Variants in MEIS1 observed in about 807,000 individuals in gnomAD.
MEIS1 encodes Meis homeobox 1, also known as homeobox protein Meis1.
MEIS1 carries 5 observed loss-of-function variants against 50.8 expected under a neutral mutation model. The observed-to-expected ratio is 0.10, with a 90% confidence interval of 0.05 to 0.21. MEIS1 has a LOEUF of 0.21. Ranked by LOEUF, MEIS1 falls within the 10% of genes least tolerant of loss-of-function variation. MEIS1 has a pLI of 1.00. For missense variants in MEIS1, 318 were observed against 517.3 expected (o/e 0.61, Z 3.74); for synonymous variants, 176 against 179.3 (o/e 0.98, Z 0.15).
chr2:66,485,138 G>A (rs1673111695), intron 7 of MEIS1, among the ~76,000 whole-genome samples: 1 of 151,980 alleles, frequency 6.6e-6, no homozygotes, highest in Admixed American at 6.5e-5. Context: ...TGGGATACAT[G>A]TGCAGAACCT....
intron 6 of MEIS1, among the ~76,000 whole-genome samples, chr2:66,450,832 G>A (rs989971751): frequency 1.3e-5 from 2 of 152,064 alleles, no homozygotes; most frequent in Non-Finnish European, 2.9e-5. Flanking sequence ...CAATATGGTA[G>A]CATGTTTATT....
intron 8 of MEIS1, among the ~76,000 whole-genome samples, chr2:66,543,463 A>G (rs374982865): frequency 8.5e-4 from 129 of 152,340 alleles, no homozygotes; most frequent in Middle Eastern, 6.8e-3. Context: ...TCCACTGCCC[A>G]CAAGCCACTT....
At position 66,502,940 on chromosome 2, in the gene MEIS1, C is replaced by T. The variant is rs143831113; in HGVS notation, c.743-9209C>T. ...TTACTTTGCTGAGCTGGCTTTGGGA[C>T]CTGACAGCATCCACAACTGGCTTCT... On this transcript the variant is annotated intron_variant, in intron 7 of 12. Transcript: ENST00000272369. Among the ~76,000 whole-genome samples, 28 of 152,266 alleles carry T rather than the reference C, an allele frequency of 1.8e-4. No individual in the cohort carries two copies. The East Asian group carries it at 4.2e-3, about 23-fold the overall frequency.
intron 9 of MEIS1, among the ~76,000 whole-genome samples, chr2:66,548,526 A>G (rs1031889473): frequency 6.6e-6 from 1 of 152,178 alleles, no homozygotes; most frequent in African/African-American, 2.4e-5. Context: ...CTTTGAGGCT[A>G]TTCCAAACCT....
At chr2:66,437,592 A>G (rs1671829546) in intron 1 of MEIS1, 145 bp from the exon 2 acceptor site, 1 of 677,382 alleles carries the variant, frequency 1.5e-6, no homozygotes, top group East Asian at 2.7e-5. Context: ...AAAATAAGAA[A>G]AACTCAGCTT....
chr2:66,437,576 A>G (rs1671829008), intron 1 of MEIS1, 161 bp from the exon 2 acceptor site: 1 of 646,264 alleles, frequency 1.5e-6, no homozygotes, highest in African/African-American at 1.8e-5. Flanking sequence ...TTAAAGCTTT[A>G]ATTTTAAAAT....
At chr2:66,483,329 C>T (rs1369592950) in intron 7 of MEIS1, among the ~76,000 whole-genome samples, 2 of 151,824 alleles carry the variant, frequency 1.3e-5, no homozygotes, top group Non-Finnish European at 2.9e-5. Context: ...TGCCTCTTGC[C>T]TCCCTGAGAG....
intron 7 of MEIS1, among the ~76,000 whole-genome samples, chr2:66,511,274 G>C (rs1673823640): frequency 6.6e-6 from 1 of 151,980 alleles, no homozygotes; most frequent in Non-Finnish European, 1.5e-5. Context: ...TTTTAAAAAA[G>C]AAATACTAAC....
chr2:66,517,395 A>G (rs1673996066), intron 8 of MEIS1, among the ~76,000 whole-genome samples: 1 of 152,156 alleles, frequency 6.6e-6, no homozygotes, highest in African/African-American at 2.4e-5. Flanking sequence ...CTTGAAAACT[A>G]GTATGAAGGT....
At chr2:66,501,383 C>G (rs1246035488) in intron 7 of MEIS1, among the ~76,000 whole-genome samples, 1 of 151,872 alleles carries the variant, frequency 6.6e-6, no homozygotes, top group East Asian at 1.9e-4. Context: ...TACTCACATC[C>G]TGAAGTTTCT....
intron 8 of MEIS1, among the ~76,000 whole-genome samples, chr2:66,519,934 A>T (rs138531880): frequency 1.3e-5 from 2 of 152,058 alleles, no homozygotes; most frequent in Non-Finnish European, 2.9e-5. Flanking sequence ...TTAATAATCT[A>T]TGGTCAGTTT....
chr2:66,487,214 A>G (rs139546702), intron 7 of MEIS1, among the ~76,000 whole-genome samples: 11 of 152,310 alleles, frequency 7.2e-5, no homozygotes, highest in Admixed American at 2.6e-4. Context: ...TTTTCTACAT[A>G]TCATTTTTTA....
intron 9 of MEIS1, among the ~76,000 whole-genome samples, chr2:66,551,443 G>A (rs1454577563): frequency 2.0e-5 from 3 of 152,038 alleles, no homozygotes; most frequent in Non-Finnish European, 4.4e-5. Context: ...TCTTATTTTG[G>A]TCCAATTGTC....
chr2:66,490,491 GTTAAC>G (rs1673246024), intron 7 of MEIS1, among the ~76,000 whole-genome samples: 3 of 152,100 alleles, frequency 2.0e-5, no homozygotes. Context: ...AAAAGTTCTA[GTTAAC>G]TTGACTGTTT....
chr2:66,510,955 G>A (rs1317149093), intron 7 of MEIS1, among the ~76,000 whole-genome samples: 4 of 152,122 alleles, frequency 2.6e-5, no homozygotes, highest in Non-Finnish European at 5.9e-5. Context: ...GGTTCTTTGG[G>A]TCGTGTAGTT....
At chr2:66,534,323 CAG>C (rs1674467629) in intron 8 of MEIS1, among the ~76,000 whole-genome samples, 1 of 152,154 alleles carries the variant, frequency 6.6e-6, no homozygotes, top group African/African-American at 2.4e-5. Context: ...ATCACGAGGT[CAG>C]GGGTTTGAGA....
At chr2:66,485,134 A>G (rs1673111395) in intron 7 of MEIS1, among the ~76,000 whole-genome samples, 1 of 152,114 alleles carries the variant, frequency 6.6e-6, no homozygotes, top group African/African-American at 2.4e-5. Flanking sequence ...GTTCTGGGAT[A>G]CATGTGCAGA....
intron 7 of MEIS1, among the ~76,000 whole-genome samples, chr2:66,474,640 G>T (rs1023967432): frequency 6.6e-6 from 1 of 152,258 alleles, no homozygotes; most frequent in East Asian, 1.9e-4. Flanking sequence ...TGGTAAAGTT[G>T]GGTTTTGCTC....
intron 6 of MEIS1, among the ~76,000 whole-genome samples, chr2:66,448,458 C>T (rs1195772044): frequency 6.6e-6 from 1 of 152,116 alleles, no homozygotes; most frequent in East Asian, 1.9e-4. Context: ...GGCCTACTGT[C>T]CTAAAACTAG....
Sources: allele counts gnomAD v4.1 joint callset (sites outside exome capture counted in the v4.1 genomes callset), GRCh38; gene constraint gnomAD v4.1.1; transcripts MANE v1.5; gene names NCBI Gene and HGNC (gene_info 2026-07-23, HGNC 2026-07-21).